Variants in CAMK2D observed in about 807,000 individuals in gnomAD.
CAMK2D encodes calcium/calmodulin dependent protein kinase II delta.
CAMK2D carries 37 observed loss-of-function variants against 84.0 expected under a neutral mutation model. That is an observed-to-expected ratio of 0.44 (90% confidence interval 0.34 to 0.58). CAMK2D has a LOEUF of 0.58. Among genes scored for constraint, CAMK2D ranks in the 20% least tolerant of loss-of-function variants. CAMK2D has a pLI of 0.02. For synonymous variants in CAMK2D, 202 were observed against 212.5 expected (o/e 0.95, Z 0.43); for missense variants, 448 against 652.5 (o/e 0.69, Z 3.41).
chr4:113,659,834 C>T (rs1161059949), intron 3 of CAMK2D, among the ~76,000 whole-genome samples: 1 of 152,186 alleles, frequency 6.6e-6, no homozygotes, highest in Non-Finnish European at 1.5e-5. Flanking sequence ...GTTTTGTTCT[C>T]TCCTCAAACC....
chr4:113,756,020 A>G (rs1319553249), intron 2 of CAMK2D, among the ~76,000 whole-genome samples: 1 of 152,008 alleles, frequency 6.6e-6, no homozygotes, highest in African/African-American at 2.4e-5. Flanking sequence ...ATATGAGTGT[A>G]CCCATCTACA....
intron 7 of CAMK2D, among the ~76,000 whole-genome samples, chr4:113,533,534 T>A (rs1172535355): frequency 6.6e-6 from 1 of 152,018 alleles, no homozygotes; most frequent in Non-Finnish European, 1.5e-5. Context: ...GAAAAGAGAA[T>A]TACTGACTGT....
intron 5 of CAMK2D, among the ~76,000 whole-genome samples, chr4:113,549,439 C>A (rs943194844): frequency 2.6e-5 from 4 of 152,148 alleles, no homozygotes; most frequent in Non-Finnish European, 5.9e-5. Context: ...AATTATTAAA[C>A]CCACTTCCAT....
intron 8 of CAMK2D, among the ~76,000 whole-genome samples, chr4:113,520,251 C>A (rs2098338451): frequency 6.6e-6 from 1 of 151,690 alleles, no homozygotes; most frequent in Non-Finnish European, 1.5e-5. Flanking sequence ...ACTAAAAATA[C>A]AAAAAAATTA....
chr4:113,488,450 A>C (rs534176445), intron 16 of CAMK2D, among the ~76,000 whole-genome samples: 1 of 152,286 alleles, frequency 6.6e-6, no homozygotes, highest in Admixed American at 6.5e-5. Flanking sequence ...AGTAGGATAT[A>C]AATAACTCTC....
At chr4:113,483,126 A>G (rs986675109) in intron 16 of CAMK2D, among the ~76,000 whole-genome samples, 6 of 152,346 alleles carry the variant, frequency 3.9e-5, no homozygotes, top group Middle Eastern at 3.4e-3. Flanking sequence ...TGCAAAAAAT[A>G]GCTATTCACT....
chr4:113,701,201 AT>A (rs748785621), intron 2 of CAMK2D, among the ~76,000 whole-genome samples: 22 of 152,162 alleles, frequency 1.4e-4, no homozygotes, highest in Non-Finnish European at 2.6e-4. Flanking sequence ...CTTTTGGGCA[AT>A]CTTATAGCTT....
At chr4:113,518,400 T>C (rs1437870779) in intron 8 of CAMK2D, among the ~76,000 whole-genome samples, 2 of 152,226 alleles carry the variant, frequency 1.3e-5, no homozygotes, top group African/African-American at 2.4e-5. Context: ...CAAAATCTAA[T>C]TTCACTTTTA....
At chr4:113,492,718 A>C (rs1335506792) in intron 16 of CAMK2D, among the ~76,000 whole-genome samples, 1 of 146,926 alleles carries the variant, frequency 6.8e-6, no homozygotes, top group East Asian at 1.9e-4. Context: ...TGTCTCGTTG[A>C]TCTGTCTAAT....
chr4:113,722,804 C>T (rs1033774173), intron 2 of CAMK2D, among the ~76,000 whole-genome samples: 1 of 152,148 alleles, frequency 6.6e-6, no homozygotes, highest in African/African-American at 2.4e-5. Flanking sequence ...GCAGTTAAGC[C>T]TGTTCCAAAA....
chr4:113,573,654 A>G (rs1288099027), intron 4 of CAMK2D, among the ~76,000 whole-genome samples: 1 of 152,224 alleles, frequency 6.6e-6, no homozygotes, highest in African/African-American at 2.4e-5. Flanking sequence ...ACAAATAAAG[A>G]GGCTTTATAA....
At chr4:113,702,348 T>A (rs193234320) in intron 2 of CAMK2D, among the ~76,000 whole-genome samples, 32 of 152,314 alleles carry the variant, frequency 2.1e-4, no homozygotes, top group Admixed American at 1.4e-3. Flanking sequence ...CATGCATTTT[T>A]TATTTACAAT....
chr4:113,687,737 T>C (rs1256097829), intron 2 of CAMK2D, among the ~76,000 whole-genome samples: 3 of 152,222 alleles, frequency 2.0e-5, no homozygotes, highest in African/African-American at 7.2e-5. Context: ...TGACTGTTCT[T>C]GCCAGTAACA....
chr4:113,494,406 G>A (rs10021926), intron 16 of CAMK2D, among the ~76,000 whole-genome samples: 71,099 of 151,678 alleles, frequency 0.47, 17,472 homozygotes, highest in African/African-American at 0.58. Flanking sequence ...GCCGTGTGAG[G>A]TGTCAGTGTG....
chr4:113,546,990 T>G (rs901025299), intron 6 of CAMK2D, among the ~76,000 whole-genome samples: 2 of 152,176 alleles, frequency 1.3e-5, no homozygotes, highest in African/African-American at 4.8e-5. Context: ...TATAGGGATA[T>G]CCATATATAT....
chr4:113,485,039 G>A (rs2097753088), intron 16 of CAMK2D, among the ~76,000 whole-genome samples: 1 of 152,140 alleles, frequency 6.6e-6, no homozygotes, highest in African/African-American at 2.4e-5. Flanking sequence ...TCAGTGCAGT[G>A]GTTCAAAGCA....
chr4:113,722,097 T>C (rs185231608), intron 2 of CAMK2D, among the ~76,000 whole-genome samples: 2 of 152,314 alleles, frequency 1.3e-5, no homozygotes, highest in African/African-American at 4.8e-5. Context: ...GTCAGTTTAA[T>C]TCACAGGTTT....
chr4:113,635,561 A>T (rs2099106856), intron 3 of CAMK2D, among the ~76,000 whole-genome samples: 1 of 152,188 alleles, frequency 6.6e-6, no homozygotes, highest in African/African-American at 2.4e-5. Context: ...CTCAAATACA[A>T]GTCCATTGTA....
At chr4:113,687,510 T>G (rs577821783) in intron 2 of CAMK2D, among the ~76,000 whole-genome samples, 5 of 152,316 alleles carry the variant, frequency 3.3e-5, no homozygotes, top group Admixed American at 3.3e-4. Flanking sequence ...CACTAGTGAC[T>G]GACATGGACC....
Sources: gnomAD v4.1 joint callset for allele counts (sites outside exome capture counted in the v4.1 genomes callset) on GRCh38, gnomAD v4.1.1 for gene constraint, MANE v1.5 for transcripts, NCBI Gene and HGNC (gene_info 2026-07-23, HGNC 2026-07-21) for gene names.